The following RTN4 variants were observed in gnomAD, a reference collection of about 807,000 sequenced individuals.
RTN4 encodes the protein reticulon-4.
In RTN4, 32 loss-of-function variants were observed where a neutral mutation model predicts 90.4. That is an observed-to-expected ratio of 0.35 (90% CI 0.27 to 0.48). RTN4 has a LOEUF of 0.48. Ranked by LOEUF, RTN4 falls within the 20% of genes least tolerant of loss-of-function variation. The pLI is 0.99. For synonymous variants in RTN4, 629 were observed against 552.5 expected (o/e 1.14, Z -1.94); for missense variants, 1,706 against 1,430.2 (o/e 1.19, Z -3.11).
intron 2 of RTN4, among the ~76,000 whole-genome samples, chr2:55,078,060 T>A (rs1230553128): frequency 6.6e-6 from 1 of 151,990 alleles, no homozygotes; most frequent in Non-Finnish European, 1.5e-5. Context: ...GATAAAAGAC[T>A]ACGCATTGAG....
intron 2 of RTN4, among the ~76,000 whole-genome samples, chr2:55,062,012 A>ATCAACAGCACG: frequency 6.6e-6 from 1 of 151,126 alleles, no homozygotes; most frequent in Admixed American, 6.6e-5. Context: ...TCGAGAGGAC[A>ATCAACAGCACG]TCAAGAGCAC....
chr2:55,081,106 A>G (rs1251257432), intron 1 of RTN4, among the ~76,000 whole-genome samples: 2 of 151,354 alleles, frequency 1.3e-5, no homozygotes, highest in Non-Finnish European at 2.9e-5. Flanking sequence ...ACAGGAGCTC[A>G]CTCTGTCACC....
chr2:55,058,265 G>A (rs1166188028), intron 2 of RTN4, among the ~76,000 whole-genome samples: 1 of 152,132 alleles, frequency 6.6e-6, no homozygotes, highest in East Asian at 1.9e-4. Flanking sequence ...CTACTAGAAT[G>A]TTTGTTCTGG....
At chr2:55,090,660 G>A (rs1668920004) in intron 1 of RTN4, among the ~76,000 whole-genome samples, 1 of 152,132 alleles carries the variant, frequency 6.6e-6, no homozygotes, top group African/African-American at 2.4e-5. Context: ...AAAGGACAAG[G>A]AGGACTACAG....
intron 3 of RTN4, among the ~76,000 whole-genome samples, chr2:54,989,337 C>T (rs527509460): frequency 4.6e-5 from 7 of 152,272 alleles, no homozygotes; most frequent in African/African-American, 1.4e-4. Flanking sequence ...TGTTTTCAAA[C>T]TCTGATTTCA....
At chr2:55,076,464 A>G (rs57068800) in intron 2 of RTN4, among the ~76,000 whole-genome samples, 2,687 of 131,074 alleles carry the variant, frequency 0.02, 82 homozygotes, top group African/African-American at 0.073. Context: ...CAATGGCACA[A>G]TCTTGGCTCA....
At chr2:54,996,415 C>T (rs1679431170) in intron 3 of RTN4, among the ~76,000 whole-genome samples, 1 of 152,112 alleles carries the variant, frequency 6.6e-6, no homozygotes, top group African/African-American at 2.4e-5. Context: ...TTGGAGGACT[C>T]GAACCTCCCT....
intron 1 of RTN4, among the ~76,000 whole-genome samples, chr2:55,103,765 G>A (rs535195339): frequency 2.8e-4 from 43 of 152,042 alleles, no homozygotes; most frequent in Non-Finnish European, 5.4e-4. Context: ...TGCAATCTCG[G>A]CTCACTGCAA....
chr2:55,136,579 C>G, the RTN4 span, among the ~76,000 whole-genome samples: 1 of 152,226 alleles, frequency 6.6e-6, no homozygotes, highest in Non-Finnish European at 1.5e-5. Flanking sequence ...TGAATTCTTT[C>G]GCCTGAGGCG....
In RTN4 at chr2:55,085,116, TAGG is replaced by T. The variant is rs111649501; in HGVS notation, c.-213-4480_-213-4478del. On this transcript the variant is annotated intron_variant, in intron 1 of 3. Transcript: ENST00000427710. ...TTTGTTGCTTTGAGAGTATAAACAG[TAGG>T]AGAAGACATTTTAGGTTTTTCCTAT... Among the ~76,000 whole-genome samples, 1,279 of 152,272 alleles carry T rather than the reference TAGG, an allele frequency of 8.4e-3. 17 individuals carry two copies. The highest frequency in any genetic ancestry group is 0.029 in the African/African-American group (1,196 of 41,550).
chr2:55,131,937 G>A, the RTN4 span, among the ~76,000 whole-genome samples: 1 of 152,084 alleles, frequency 6.6e-6, no homozygotes, highest in Non-Finnish European at 1.5e-5. Context: ...TTTATTACAT[G>A]ATATTTTAAC....
At chr2:55,122,895 A>G in the RTN4 span, among the ~76,000 whole-genome samples, 1 of 152,244 alleles carries the variant, frequency 6.6e-6, no homozygotes, top group African/African-American at 2.4e-5. Flanking sequence ...CAAGCAGTAA[A>G]CCTGGTTGTT....
the RTN4 span, among the ~76,000 whole-genome samples, chr2:55,134,245 A>G: frequency 2.0e-5 from 3 of 152,140 alleles, no homozygotes; most frequent in Middle Eastern, 3.2e-3. Context: ...TTGCCTCTTT[A>G]CCGCATCCTG....
chr2:54,991,173 T>C (rs532857660), intron 3 of RTN4, among the ~76,000 whole-genome samples: 12 of 152,272 alleles, frequency 7.9e-5, no homozygotes, highest in East Asian at 1.9e-4. Flanking sequence ...AAAATCACTA[T>C]TGGTGAGAAG....
intron 1 of RTN4, among the ~76,000 whole-genome samples, chr2:55,038,543 G>T (rs982469699): frequency 6.6e-6 from 1 of 152,094 alleles, no homozygotes; most frequent in Non-Finnish European, 1.5e-5. Context: ...TTAGTCCCTA[G>T]GGAAATCTAG....
At chr2:55,055,804 T>A (rs1668180814), upstream of RTN4, among the ~76,000 whole-genome samples, 1 of 151,068 alleles carries the variant, frequency 6.6e-6, no homozygotes, top group Non-Finnish European at 1.5e-5. Context: ...AACAAAAACC[T>A]ACTGACCATC....
Position 55,027,373 on chromosome 2 carries a change from T to TGAGAGAGGA in RTN4, c.717_725dup (p.Pro240_Ser242dup). 1 of 1,613,576 alleles carries TGAGAGAGGA rather than the reference T, an allele frequency of 6.2e-7. No individual in the cohort carries two copies. Among genetic ancestry groups the TGAGAGAGGA allele is most frequent in the Non-Finnish European group, 8.5e-7 (1 of 1,179,748 alleles). On this transcript the variant is annotated inframe_insertion, in exon 3 of 9. Coordinates refer to ENST00000337526, the MANE Select transcript of RTN4 (RefSeq NM_020532.5). Reference sequence around the variant, plus strand: ...ATTCATGTTCTTTGAAAGAAGCGGCTGAGAGAGGAGACAGAGAAGGAAGAG... The same window carrying TGAGAGAGGA: ...ATTCATGTTCTTTGAAAGAAGCGGCTGAGAGAGGAGAGAGAGGAGACAGAGAAGGAAGAG...
At chr2:55,098,156 T>A (rs1667784381) in intron 1 of RTN4, among the ~76,000 whole-genome samples, 1 of 152,110 alleles carries the variant, frequency 6.6e-6, no homozygotes, top group African/African-American at 2.4e-5. Context: ...TCCCATTTTC[T>A]TTTTCACCTG....
chr2:54,993,596 G>C (rs914486748), intron 3 of RTN4, among the ~76,000 whole-genome samples: 11 of 152,036 alleles, frequency 7.2e-5, no homozygotes, highest in Middle Eastern at 3.2e-3. Context: ...TCAATAAATG[G>C]AAAAGCTCTG....
Sources: allele counts gnomAD v4.1 joint callset (sites outside exome capture counted in the v4.1 genomes callset), GRCh38; gene constraint gnomAD v4.1.1; transcripts MANE v1.5; gene names NCBI Gene and HGNC (gene_info 2026-07-23, HGNC 2026-07-21).